Variants in DLG2 observed in about 807,000 individuals in gnomAD.
DLG2 encodes discs large MAGUK scaffold protein 2.
A neutral mutation model predicts 132.5 loss-of-function variants in DLG2; 45 were observed. The ratio of observed to expected loss-of-function variants is 0.34; its 90% CI spans 0.27 to 0.44. DLG2 has a LOEUF of 0.44. DLG2 is among the 20% of genes least tolerant of loss of function. DLG2 has a pLI of 1.00. For synonymous variants in DLG2, 424 were observed against 419.6 expected, an observed-to-expected ratio of 1.01 and a Z score of -0.13; for missense variants, 1,045 against 1,196.9, an observed-to-expected ratio of 0.87 and a Z score of 1.87.
chr11:84,587,904 C>T lies in DLG2; in HGVS notation c.358-53173G>A, dbSNP rs541286791. Among the ~76,000 whole-genome samples the T allele has an allele frequency of 6.0e-4, 91 of 152,324 alleles. 1 individual carries two copies. The South Asian group carries it at 0.018, about 30-fold the overall frequency. ...CAGGAGCCCCACTACTTCATGCCTCCTTACAGCTCACCTGAACCATGGTGA... is the reference window on the plus strand; with the variant it reads ...CAGGAGCCCCACTACTTCATGCCTCTTTACAGCTCACCTGAACCATGGTGA... On this transcript the variant is annotated intron_variant, in intron 6 of 27. Coordinates refer to ENST00000376104, the MANE Select transcript of DLG2 (RefSeq NM_001142699.3).
chr11:83,727,572 A>G (rs533018812), intron 18 of DLG2, among the ~76,000 whole-genome samples: 1 of 152,278 alleles, frequency 6.6e-6, no homozygotes, highest in African/African-American at 2.4e-5. Flanking sequence ...TTCCTTCCCA[A>G]AAGTTCCCAG....
At chr11:84,615,910 T>A (rs1285113873) in intron 6 of DLG2, among the ~76,000 whole-genome samples, 1 of 149,954 alleles carries the variant, frequency 6.7e-6, no homozygotes, top group African/African-American at 2.5e-5. Context: ...ATTCAACATA[T>A]GTCAGACTTC....
At chr11:83,962,809 C>T (rs2089186238) in intron 14 of DLG2, 76 bp downstream of exon 14, 6 of 1,561,006 alleles carry the variant, frequency 3.8e-6, no homozygotes, top group Middle Eastern at 1.7e-4. Context: ...TCCAAAACAA[C>T]ACCTGACATG....
chr11:83,967,960 A>T (rs978021331), intron 12 of DLG2, among the ~76,000 whole-genome samples: 1 of 152,180 alleles, frequency 6.6e-6, no homozygotes, highest in Non-Finnish European at 1.5e-5. Flanking sequence ...AGTATCATTC[A>T]TTGAAAAGAC....
At chr11:84,313,407 C>T (rs889286614) in intron 7 of DLG2, among the ~76,000 whole-genome samples, 1 of 151,990 alleles carries the variant, frequency 6.6e-6, no homozygotes, top group Non-Finnish European at 1.5e-5. Context: ...AGTCACCACA[C>T]TCAGCCTGTT....
At chr11:85,059,704 G>A (rs2063830109) in intron 6 of DLG2, among the ~76,000 whole-genome samples, 1 of 151,586 alleles carries the variant, frequency 6.6e-6, no homozygotes, top group African/African-American at 2.4e-5. Context: ...AGTTTCACAG[G>A]TGTAACTAAT....
intron 9 of DLG2, among the ~76,000 whole-genome samples, chr11:84,159,115 A>G (rs2095491980): frequency 6.6e-6 from 1 of 152,240 alleles, no homozygotes; most frequent in Admixed American, 6.5e-5. Flanking sequence ...CTGTCCTTCC[A>G]GTAATACAAC....
intron 18 of DLG2, among the ~76,000 whole-genome samples, chr11:83,769,765 A>C (rs1161955158): frequency 6.6e-6 from 1 of 151,896 alleles, no homozygotes; most frequent in African/African-American, 2.4e-5. Context: ...GGGTTTCACC[A>C]TGTTGGCCAG....
intron 18 of DLG2, among the ~76,000 whole-genome samples, chr11:83,697,776 G>A (rs1385025557): frequency 2.0e-5 from 3 of 152,106 alleles, no homozygotes; most frequent in Non-Finnish European, 4.4e-5. Flanking sequence ...AATGCAGGTG[G>A]GATTTAAAAA....
chr11:85,296,840 A>G (rs980213987), intron 3 of DLG2, among the ~76,000 whole-genome samples: 1 of 150,478 alleles, frequency 6.6e-6, no homozygotes, highest in Non-Finnish European at 1.5e-5. Flanking sequence ...ATATATTCCT[A>G]TAAAATGTGT....
intron 15 of DLG2, among the ~76,000 whole-genome samples, chr11:83,902,086 C>T (rs982503267): frequency 1.2e-4 from 19 of 152,112 alleles, no homozygotes; most frequent in Admixed American, 3.3e-4. Context: ...CACTAATTCA[C>T]AAATGTAATT....
chr11:85,553,211 G>A (rs1266279092), intron 3 of DLG2, among the ~76,000 whole-genome samples: 3 of 151,484 alleles, frequency 2.0e-5, no homozygotes, highest in African/African-American at 7.3e-5. Context: ...AATAATATCT[G>A]CAAAAAACAA....
rs60753268 is a variant in DLG2, at chr11:85,509,773, T to C, written c.40+88884A>G. 1.0e-2 allele frequency among the ~76,000 whole-genome samples: 1,515 copies of C among 152,190 alleles called. 20 individuals are homozygous for C. Among genetic ancestry groups the C allele is most frequent in the African/African-American group, 0.034 (1,429 of 41,538 alleles). ...GATAGAGGTTAAAAAGACATTAATCTATGAATCACTGATGAATTAAAATCA... is the reference window on the plus strand; with the variant it reads ...GATAGAGGTTAAAAAGACATTAATCCATGAATCACTGATGAATTAAAATCA... On this transcript the variant is annotated intron_variant, in intron 3 of 27. Transcript: ENST00000376104.
At chr11:84,411,355 G>T (rs2154457984) in intron 7 of DLG2, among the ~76,000 whole-genome samples, 1 of 152,272 alleles carries the variant, frequency 6.6e-6, no homozygotes, top group Admixed American at 6.5e-5. Context: ...TATCTTTTCA[G>T]AAAATAACAA....
rs1251748162 is a variant in DLG2 at position 83,851,348 on chromosome 11, G to A, written c.1566-17578C>T. ...CCTTATAAGGAGACAGCCAGGGCTGGGCGGGGTGGCTCATGCCTATAATCC... is the reference window on the plus strand; with the variant it reads ...CCTTATAAGGAGACAGCCAGGGCTGAGCGGGGTGGCTCATGCCTATAATCC... On this transcript the variant is annotated intron_variant, in intron 16 of 27. Coordinates refer to ENST00000376104, the MANE Select transcript of DLG2 (RefSeq NM_001142699.3). Among the ~76,000 whole-genome samples, 8 of 152,146 alleles carry A rather than the reference G, an allele frequency of 5.3e-5. No individual in the cohort carries two copies. The East Asian group carries it at 5.8e-4, about 11-fold the overall frequency.
At chr11:85,235,781 G>A (rs759835793) in intron 4 of DLG2, among the ~76,000 whole-genome samples, 11 of 151,742 alleles carry the variant, frequency 7.2e-5, no homozygotes, top group African/African-American at 1.5e-4. Context: ...AAAGTGGTGA[G>A]GATCTAGATT....
intron 4 of DLG2, among the ~76,000 whole-genome samples, chr11:85,248,721 G>C (rs1201208688): frequency 6.6e-6 from 1 of 152,022 alleles, no homozygotes; most frequent in East Asian, 1.9e-4. Context: ...AAGAAATAAG[G>C]AAGTGCTAAC....
intron 14 of DLG2, among the ~76,000 whole-genome samples, chr11:83,941,614 G>A (rs1400412994): frequency 6.6e-6 from 1 of 151,944 alleles, no homozygotes; most frequent in Non-Finnish European, 1.5e-5. Flanking sequence ...GTCTTGTTTT[G>A]AACTCTTGAC....
In DLG2 at chr11:84,871,840, A is replaced by G. The variant is rs569567069; in HGVS notation, c.357+239821T>C. Reference sequence around the variant, plus strand: ...TGGGTTCAAGCGAGCATGTGCGGCTAATCTTTGTATTTTTAGTAGAGACGG... The same window carrying G: ...TGGGTTCAAGCGAGCATGTGCGGCTGATCTTTGTATTTTTAGTAGAGACGG... On this transcript the variant is annotated intron_variant, in intron 6 of 27. Transcript: ENST00000376104. Among the ~76,000 whole-genome samples, 11 of 152,050 alleles carry G rather than the reference A, an allele frequency of 7.2e-5. No individual in the cohort carries two copies. The East Asian group carries it at 2.1e-3, about 30-fold the overall frequency.
Sources: gnomAD v4.1 joint callset for allele counts (sites outside exome capture counted in the v4.1 genomes callset) on GRCh38, gnomAD v4.1.1 for gene constraint, MANE v1.5 for transcripts, NCBI Gene and HGNC (gene_info 2026-07-23, HGNC 2026-07-21) for gene names.